The following FBXO27 variants were observed in gnomAD, a reference collection of about 807,000 sequenced individuals.
FBXO27 encodes the protein F-box only protein 27.
A neutral mutation model predicts 28.3 loss-of-function variants in FBXO27; 28 were observed. That is an observed-to-expected ratio of 0.99 (90% confidence interval 0.73 to 1.36). FBXO27 has a LOEUF of 1.36. Among genes scored for constraint, FBXO27 ranks in the 40% most tolerant of loss-of-function variants. The pLI is 0.00. For synonymous variants in FBXO27, 175 were observed against 167.3 expected (o/e 1.05, Z -0.36); for missense variants, 388 against 394.1 (o/e 0.98, Z 0.13).
Position 39,031,061 on chromosome 19 carries a change from A to G in FBXO27, c.540T>C (p.Asp180=), listed in dbSNP as rs750675525. Residue 180 remains aspartate (D), a synonymous_variant, in exon 4 of 6, where the codon GAT becomes GAC. Coordinates refer to ENST00000292853, the MANE Select transcript of FBXO27 (RefSeq NM_178820.5). ...AGACACAAATCTCAATCCTGCCACT[A>G]TCCAGCAGTTCTGGCCACAGACCCT... ...EEEGLWPELL[D]SGRIEICVSD... The G allele has an allele frequency of 6.2e-7, 1 of 1,614,138 alleles. No individual in the cohort carries two copies. Among genetic ancestry groups the G allele is most frequent in the Non-Finnish European group, 8.5e-7 (1 of 1,180,038 alleles).
intron 2 of FBXO27, among the ~76,000 whole-genome samples, chr19:39,011,346 T>G (rs990839847): frequency 4.6e-5 from 7 of 152,108 alleles, no homozygotes; most frequent in African/African-American, 1.7e-4. Context: ...GCATGAGAAT[T>G]GCTTGAACCT....
chr19:39,030,717 C>G, intron 4 of FBXO27: 1 of 350,300 alleles, frequency 2.9e-6, no homozygotes, highest in East Asian at 6.3e-5. Flanking sequence ...ATTCTCCTGC[C>G]TCAGCCTCCC....
intron 1 of FBXO27, among the ~76,000 whole-genome samples, chr19:39,015,465 A>T (rs919291287): frequency 1.9e-4 from 23 of 122,880 alleles, no homozygotes; most frequent in Admixed American, 3.8e-4. Flanking sequence ...ACCTCATCTT[A>T]AAAAAAAAAG....
At chr19:39,015,367 A>G (rs1229035981) in intron 1 of FBXO27, among the ~76,000 whole-genome samples, 2 of 142,068 alleles carry the variant, frequency 1.4e-5, no homozygotes, top group South Asian at 2.2e-4. Flanking sequence ...GTGGTGGCTC[A>G]TGCCTGTAAT....
Position 39,032,060 on chromosome 19 carries a change from G to T in FBXO27, c.168C>A (p.Gly56=). ...LLGRCRQVCR[G]WRALVDGQAL... ...CCTGGCCGTCCACCAGGGCTCGCCA[G>T]CCCCGGCACACTTGGCGGCAGCGCC... is the stretch of plus-strand genomic sequence containing the variant. Residue 56 remains glycine, a synonymous_variant, in exon 2 of 6, where the codon GGC becomes GGA. Transcript: ENST00000292853. The surrounding 1 kb of genome is among the most constrained non-coding windows in gnomAD (Gnocchi z 4.7). 1 of 1,530,532 alleles carries T rather than the reference G, an allele frequency of 6.5e-7. No individual in the cohort carries two copies. The highest frequency in any genetic ancestry group is 2.1e-5 in the Admixed American group (1 of 47,398). 94.8% of individuals were successfully genotyped at this position (1,530,532 alleles called of 1,614,324 possible). A position where few individuals can be genotyped will look rare whatever the true frequency, so the allele number is the denominator to read the frequency against.
chr19:39,013,692 T>G (rs998119844), intron 2 of FBXO27, among the ~76,000 whole-genome samples: 1 of 151,258 alleles, frequency 6.6e-6, no homozygotes, highest in African/African-American at 2.4e-5. Context: ...AGAAGCCAGT[T>G]GATTGTAGAT....
intron 2 of FBXO27, among the ~76,000 whole-genome samples, chr19:39,006,752 T>A (rs568308716): frequency 6.6e-6 from 1 of 151,994 alleles, no homozygotes; most frequent in East Asian, 2.0e-4. Flanking sequence ...GCTGAGACAG[T>A]GTCCTAATAA....
At chr19:39,013,428 G>A (rs1184407346) in intron 2 of FBXO27, among the ~76,000 whole-genome samples, 1 of 151,796 alleles carries the variant, frequency 6.6e-6, no homozygotes, top group Non-Finnish European at 1.5e-5. Flanking sequence ...TCAGGAGTTC[G>A]AAACCAGCCT....
intron 2 of FBXO27, among the ~76,000 whole-genome samples, chr19:39,009,557 G>A (rs759904982): frequency 2.0e-4 from 31 of 152,028 alleles, no homozygotes; most frequent in African/African-American, 5.3e-4. Flanking sequence ...GCTGTTGAAC[G>A]TCTTTTCATG....
chr19:39,009,035 T>G (rs543795117), intron 2 of FBXO27, among the ~76,000 whole-genome samples: 3 of 152,336 alleles, frequency 2.0e-5, no homozygotes, highest in Non-Finnish European at 4.4e-5. Context: ...TTAGCCAGGC[T>G]GGTCTCGAAC....
intron 2 of FBXO27, among the ~76,000 whole-genome samples, chr19:39,011,831 T>C (rs966205399): frequency 9.3e-5 from 13 of 139,794 alleles, no homozygotes; most frequent in African/African-American, 2.3e-4. Flanking sequence ...TCTTTTCTTT[T>C]TTTTTTTTTT....
intron 2 of FBXO27, among the ~76,000 whole-genome samples, chr19:39,007,048 G>C (rs1975739120): frequency 8.2e-6 from 1 of 122,552 alleles, no homozygotes; most frequent in Non-Finnish European, 1.7e-5. Flanking sequence ...ACTCTAGCCT[G>C]GGTGTCTCCA....
downstream of FBXO27, among the ~76,000 whole-genome samples, chr19:39,019,445 A>G (rs1326606552): frequency 1.9e-4 from 16 of 84,524 alleles, no homozygotes; most frequent in African/African-American, 6.9e-4. Context: ...AAAAAAAAAA[A>G]AAAAAAAAAA....
chr19:39,014,438 G>A (rs1336073727), exon 2 of FBXO27: 1 of 152,236 alleles, frequency 6.6e-6, no homozygotes, highest in African/African-American at 2.4e-5. Context: ...GCACGGGCTG[G>A]ATGCAGTGGC....
intron 4 of FBXO27, among the ~76,000 whole-genome samples, chr19:39,029,382 G>A: frequency 7.0e-6 from 1 of 142,926 alleles, no homozygotes; most frequent in Non-Finnish European, 1.5e-5. Context: ...ATCTGAGATT[G>A]CACCATTGCA....
At chr19:39,026,334 A>G (rs926976179) in intron 5 of FBXO27, among the ~76,000 whole-genome samples, 1 of 152,090 alleles carries the variant, frequency 6.6e-6, no homozygotes, top group Non-Finnish European at 1.5e-5. Flanking sequence ...CTACACACAT[A>G]CTACCCACCA....
rs778513079 is a variant in FBXO27 at position 39,032,235 on chromosome 19, C to T, written c.-8G>A. On this transcript the variant is annotated 5_prime_UTR_variant, in exon 2 of 6. Transcript: ENST00000292853. This position sits in a 1 kb window ranked among gnomAD's most constrained non-coding sequence, Gnocchi z 4.7. Reference sequence around the variant, plus strand: ...GGAGACCGAGGCGCCCATGGTCCCCCCGCCAGGCCCGGCTGTGGCTGCGGG... The same window carrying T: ...GGAGACCGAGGCGCCCATGGTCCCCTCGCCAGGCCCGGCTGTGGCTGCGGG... 7.0e-7 allele frequency: 1 copy of T among 1,428,300 alleles called. No individual in the cohort carries two copies. Among genetic ancestry groups the T allele is most frequent in the Non-Finnish European group, 9.1e-7 (1 of 1,100,350 alleles). The allele number at this position is 1,428,300 out of a possible 1,614,324, so 88.5% of individuals were successfully genotyped here.
chr19:39,030,558 T>A (rs544485236), intron 4 of FBXO27: 2 of 175,232 alleles, frequency 1.1e-5, no homozygotes, highest in African/African-American at 4.8e-5. Flanking sequence ...GTGTGTACTC[T>A]GCTAATTACT....
intron 1 of FBXO27, among the ~76,000 whole-genome samples, chr19:39,017,833 A>C (rs2072826968): frequency 6.6e-6 from 1 of 152,100 alleles, no homozygotes. Context: ...TGGGCTGAAG[A>C]AATGGGTAGA....
Sources: gnomAD v4.1 joint callset for allele counts (sites outside exome capture counted in the v4.1 genomes callset) on GRCh38, gnomAD v4.1.1 for gene constraint, Gnocchi (gnomAD v3.1) non-coding constraint, MANE v1.5 for transcripts, NCBI Gene and HGNC (gene_info 2026-07-23, HGNC 2026-07-21) for gene names.